The following TIE1 variants were observed in gnomAD, a reference collection of about 807,000 sequenced individuals.
TIE1 encodes tyrosine-protein kinase receptor Tie-1.
A neutral mutation model predicts 130.5 loss-of-function variants in TIE1; 89 were observed. The observed-to-expected ratio is 0.68, with a 90% confidence interval of 0.57 to 0.81. The LOEUF is 0.81. Ranked by LOEUF, TIE1 falls within the 40% of genes least tolerant of loss-of-function variation. The pLI is 0.00. For synonymous variants in TIE1, 568 were observed against 629.4 expected (o/e 0.90, Z 1.46); for missense variants, 1,392 against 1,559.8 (o/e 0.89, Z 1.81).
chr1:43,313,178 C>G lies in TIE1; in HGVS notation c.1971C>G (p.Asp657Glu). The stretch of plus-strand genomic sequence containing the variant: ...ACCTCCACGCCCAGGCCCTCTCAGA[C>G]TCCGAGATCCAGCTGACATGGAAGC... ...PRHLHAQALS[D>E]SEIQLTWKHP... Residue 657 changes from aspartate (D) to glutamate (E), a missense_variant, in exon 13 of 23, where the codon GAC becomes GAG. By Grantham distance (45) the Asp-to-Glu change is conservative. Transcript: ENST00000372476. The surrounding 1 kb of genome is among the most constrained non-coding windows in gnomAD (Gnocchi z 6.2). 1 of 1,613,312 alleles carries G rather than the reference C, an allele frequency of 6.2e-7. No individual in the cohort carries two copies. The highest frequency in any genetic ancestry group is 1.1e-5 in the South Asian group (1 of 91,030).
chr1:43,313,658 G>GTGATTTCC lies in TIE1; in HGVS notation c.2219-116_2219-109dup, dbSNP rs1429073941. ...TCATCCCTTCCTTCATGTGGCCCAA[G>GTGATTTCC]TGATTTCCTGACAGTCCTGGCACTG... On this transcript the variant is annotated intron_variant, in intron 13 of 22. Transcript: ENST00000372476. This position sits in a 1 kb window ranked among gnomAD's most constrained non-coding sequence, Gnocchi z 6.2. 2 of 1,203,100 alleles carry GTGATTTCC rather than the reference G, an allele frequency of 1.7e-6. No homozygotes were observed. The highest frequency in any genetic ancestry group is 2.3e-6 in the Non-Finnish European group (2 of 877,324). The allele number at this position is 1,203,100 out of a possible 1,614,324, so 74.5% of individuals were successfully genotyped here. A position where few individuals can be genotyped will look rare whatever the true frequency, so the allele number is the denominator to read the frequency against.
intron 1 of TIE1, among the ~76,000 whole-genome samples, chr1:43,303,458 A>C (rs1646690421): frequency 6.6e-6 from 1 of 152,214 alleles, no homozygotes; most frequent in African/African-American, 2.4e-5. Context: ...GGCGGTCAGT[A>C]AATGCCAGCT....
At position 43,322,885 on chromosome 1, in the gene TIE1, A is replaced by G. The variant is rs886404192; in HGVS notation, c.*163A>G. On this transcript the variant is annotated 3_prime_UTR_variant, in exon 23 of 23. Coordinates refer to ENST00000372476, the MANE Select transcript of TIE1 (RefSeq NM_005424.5). This position sits in a 1 kb window ranked among gnomAD's most constrained non-coding sequence, Gnocchi z 4.0. The stretch of plus-strand genomic sequence containing the variant: ...CTGGGGATGGGGTGGGCTTAGGGGA[A>G]CTGGGTTCCCATGCTTTGTAGGTGT... The G allele has an allele frequency of 1.1e-5, 7 of 621,628 alleles. No homozygotes were observed. The highest frequency in any genetic ancestry group is 2.0e-5 in the Non-Finnish European group (7 of 356,054). 38.5% of individuals were successfully genotyped at this position (621,628 alleles called of 1,614,324 possible).
Position 43,306,767 on chromosome 1 carries a change from G to A in TIE1, c.485-73G>A. On this transcript the variant is annotated intron_variant, in intron 3 of 22. Coordinates refer to ENST00000372476, the MANE Select transcript of TIE1 (RefSeq NM_005424.5). The surrounding 1 kb of genome is among the most constrained non-coding windows in gnomAD (Gnocchi z 4.9). Reference sequence around the variant, plus strand: ...CATGGGGCTCATTGATGTGAGCTGAGCAGAGGTGGACAGAGAGAGGTGACA... The same window carrying A: ...CATGGGGCTCATTGATGTGAGCTGAACAGAGGTGGACAGAGAGAGGTGACA... 12 of 1,525,078 alleles carry A rather than the reference G, an allele frequency of 7.9e-6. No individual in the cohort carries two copies. Among genetic ancestry groups the A allele is most frequent in the Non-Finnish European group, 7.9e-6 (9 of 1,133,006 alleles). The allele number at this position is 1,525,078 out of a possible 1,614,324, so 94.5% of individuals were successfully genotyped here. A position where few individuals can be genotyped will look rare whatever the true frequency, so the allele number is the denominator to read the frequency against.
chr1:43,303,529 C>G (rs1646691252), intron 1 of TIE1, among the ~76,000 whole-genome samples: 1 of 152,170 alleles, frequency 6.6e-6, no homozygotes, highest in Non-Finnish European at 1.5e-5. Context: ...AACTAATGAA[C>G]TGCTTGACAG....
chr1:43,312,620 G>T lies in TIE1; in HGVS notation c.1927+19G>T. 6.3e-7 allele frequency: 1 copy of T among 1,575,328 alleles called. No individual in the cohort carries two copies. Among genetic ancestry groups the T allele is most frequent in the Non-Finnish European group, 8.6e-7 (1 of 1,158,174 alleles). The stretch of plus-strand genomic sequence containing the variant: ...CCCAGTGGTATGTGCAAGGCGCAAG[G>T]ATAGCTGGGGGTTGGGGGAGGACGT... On this transcript the variant is annotated intron_variant, in intron 12 of 22. Coordinates refer to ENST00000372476, the MANE Select transcript of TIE1 (RefSeq NM_005424.5). The surrounding 1 kb of genome is among the most constrained non-coding windows in gnomAD (Gnocchi z 5.6).
Position 43,307,689 on chromosome 1 carries a change from C to T in TIE1, c.914-107C>T, listed in dbSNP as rs150976684. ...AGCCCTCCTGCTCACTTGACCAGTC[C>T]TTCTATCCTCAGCCTGTTGTATAAC... On this transcript the variant is annotated intron_variant, in intron 6 of 22. Transcript: ENST00000372476. The surrounding 1 kb of genome is among the most constrained non-coding windows in gnomAD (Gnocchi z 5.4). 1,368 of 1,598,950 alleles carry T rather than the reference C, an allele frequency of 8.6e-4. 8 individuals are homozygous for T. The African/African-American group carries it at 0.016, about 19-fold the overall frequency.
rs1443890052 is a variant in TIE1 at position 43,309,403 on chromosome 1, G to A, written c.1204G>A (p.Val402Met). 2.5e-6 allele frequency: 4 copies of A among 1,600,148 alleles called. No homozygotes were observed. Among genetic ancestry groups the A allele is most frequent in the Non-Finnish European group, 2.6e-6 (3 of 1,174,258 alleles). The change falls in exon 9 of 23, where the codon GTG becomes ATG. Residue 402 changes from valine (V) to methionine (M), a missense_variant. Val to Met is a conservative substitution (Grantham distance 21). Transcript: ENST00000372476. This position sits in a 1 kb window ranked among gnomAD's most constrained non-coding sequence, Gnocchi z 6.3. ...TCTCTTTTAGTCCACCAAGGCCATT[G>A]TGGAGCCAGAGAAGACCACAGCTGA... ...GTVLLSTKAI[V>M]EPEKTTAEFE...
In TIE1 at chr1:43,319,392, C is replaced by T; in HGVS notation, c.3036+44C>T. 6.2e-7 allele frequency: 1 copy of T among 1,611,990 alleles called. No individual in the cohort carries two copies. The highest frequency in any genetic ancestry group is 8.5e-7 in the Non-Finnish European group (1 of 1,178,072). On this transcript the variant is annotated intron_variant, in intron 18 of 22. Transcript: ENST00000372476. This position sits in a 1 kb window ranked among gnomAD's most constrained non-coding sequence, Gnocchi z 4.7. ...TCACCCTTAGGGCTTGTGCCTGGCC[C>T]TGCCCCACAGGAGCCTCAAACAGGC... is the stretch of plus-strand genomic sequence containing the variant.
In TIE1 at chr1:43,312,660, C is replaced by A; in HGVS notation, c.1927+59C>A. The A allele has an allele frequency of 6.5e-7, 1 of 1,535,646 alleles. No individual in the cohort carries two copies. The highest frequency in any genetic ancestry group is 8.8e-7 in the Non-Finnish European group (1 of 1,138,470). On this transcript the variant is annotated intron_variant, in intron 12 of 22. Coordinates refer to ENST00000372476, the MANE Select transcript of TIE1 (RefSeq NM_005424.5). This position sits in a 1 kb window ranked among gnomAD's most constrained non-coding sequence, Gnocchi z 5.6. The stretch of plus-strand genomic sequence containing the variant: ...GGGGAGGACGTGGGACACAGGGACA[C>A]ATGAGACCTAGGAGACACGGGAGGC...
chr1:43,304,754 G>C, intron 1 of TIE1, 97 bp from the exon 2 acceptor site: 1 of 1,277,128 alleles, frequency 7.8e-7, no homozygotes, highest in South Asian at 2.2e-5. Flanking sequence ...CTTCTGAGTG[G>C]ACGGTGGATC....
Position 43,319,405 on chromosome 1 carries a change from G to A in TIE1, c.3037-54G>A, listed in dbSNP as rs1015663189. On this transcript the variant is annotated intron_variant, in intron 18 of 22. Coordinates refer to ENST00000372476, the MANE Select transcript of TIE1 (RefSeq NM_005424.5). The surrounding 1 kb of genome is among the most constrained non-coding windows in gnomAD (Gnocchi z 4.7). Reference sequence around the variant, plus strand: ...TTGTGCCTGGCCCTGCCCCACAGGAGCCTCAAACAGGCCCTTCCTCCACAC... The same window carrying A: ...TTGTGCCTGGCCCTGCCCCACAGGAACCTCAAACAGGCCCTTCCTCCACAC... 8 of 1,612,174 alleles carry A rather than the reference G, an allele frequency of 5.0e-6. No individual in the cohort carries two copies. In the African/African-American group the frequency reaches 1.1e-4, roughly 22 times the overall value.
rs778838545 is a variant in TIE1 at position 43,313,162 on chromosome 1, C to A, written c.1955C>A (p.Ala652Asp). ...CCTCCAGCCCCCCGACACCTCCACG[C>A]CCAGGCCCTCTCAGACTCCGAGATC... ...SGPPAPRHLH[A>D]QALSDSEIQL... The change falls in exon 13 of 23, where the codon GCC becomes GAC. Residue 652 changes from alanine (A) to aspartate (D), a missense_variant. Coordinates refer to ENST00000372476, the MANE Select transcript of TIE1 (RefSeq NM_005424.5). This position sits in a 1 kb window ranked among gnomAD's most constrained non-coding sequence, Gnocchi z 6.2. 2 of 1,611,554 alleles carry A rather than the reference C, an allele frequency of 1.2e-6. No homozygotes were observed. Among genetic ancestry groups the A allele is most frequent in the Non-Finnish European group, 1.7e-6 (2 of 1,179,154 alleles).
At chr1:43,310,831 G>A (rs1174080015) in intron 9 of TIE1, among the ~76,000 whole-genome samples, 1 of 152,150 alleles carries the variant, frequency 6.6e-6, no homozygotes, top group African/African-American at 2.4e-5. Context: ...CTCCTGACAT[G>A]CTCATTGCTG....
At position 43,316,048 on chromosome 1, in the gene TIE1, GACCTT is replaced by G. The variant is rs1646855415; in HGVS notation, c.2410-1150_2410-1146del. 6.6e-6 allele frequency among the ~76,000 whole-genome samples: 1 copy of G among 152,006 alleles called. No individual in the cohort carries two copies. The highest frequency in any genetic ancestry group is 1.5e-5 in the Non-Finnish European group (1 of 68,036). On this transcript the variant is annotated intron_variant, in intron 14 of 22. Coordinates refer to ENST00000372476, the MANE Select transcript of TIE1 (RefSeq NM_005424.5). This position sits in a 1 kb window ranked among gnomAD's most constrained non-coding sequence, Gnocchi z 4.4. ...CCCTTCCGCCTGGGCAACAGAGCGA[GACCTT>G]GTCTCAAAACAAACAAAAAGATATA...
In TIE1 at chr1:43,305,315, G is replaced by A. The variant is rs1173994367; in HGVS notation, c.456G>A (p.Lys152=). 6.3e-7 allele frequency: 1 copy of A among 1,588,616 alleles called. No individual in the cohort carries two copies. Among genetic ancestry groups the A allele is most frequent in the Admixed American group, 1.7e-5 (1 of 58,700 alleles). The stretch of plus-strand genomic sequence containing the variant: ...TTTCTGCACGTGTGCACAAGGAGAA[G>A]CAGACAGACGTGATCTGGAAGAGCA... ...AVLSARVHKE[K]QTDVIWKSNG... The change falls in exon 3 of 23, where the codon AAG becomes AAA. Residue 152 remains lysine (K), a synonymous_variant. Transcript: ENST00000372476.
At chr1:43,314,355 G>A (rs1056320098) in intron 14 of TIE1, 2 of 1,149,230 alleles carry the variant, frequency 1.7e-6, no homozygotes, top group African/African-American at 3.3e-5. Flanking sequence ...AGGGCACTTG[G>A]GGTTCATGCT....
rs532026389 is a variant in TIE1, at chr1:43,307,828, C to A, written c.946C>A (p.Arg316=). ...CCCTGGTCATTTTGGGGCTGATTGCCGACTCCAGTGCCAGTGTCAGAATGG... is the reference window on the plus strand; with the variant it reads ...CCCTGGTCATTTTGGGGCTGATTGCAGACTCCAGTGCCAGTGTCAGAATGG... The part of the protein sequence containing the change: ...CAPGHFGADC[R]LQCQCQNGGT... The change falls in exon 7 of 23, where the codon CGA becomes AGA. Residue 316 remains arginine, a synonymous_variant. Coordinates refer to ENST00000372476, the MANE Select transcript of TIE1 (RefSeq NM_005424.5). This position sits in a 1 kb window ranked among gnomAD's most constrained non-coding sequence, Gnocchi z 5.4. 1 of 1,614,142 alleles carries A rather than the reference C, an allele frequency of 6.2e-7. No homozygotes were observed. The highest frequency in any genetic ancestry group is 1.7e-5 in the Admixed American group (1 of 60,024).
rs535577409 is a variant in TIE1, at chr1:43,317,570, C to G, written c.2627C>G (p.Ala876Gly). Residue 876 changes from alanine to glycine, a missense_variant, in exon 16 of 23, where the codon GCC becomes GGC. Ala to Gly is a moderately conservative substitution (Grantham distance 60). Coordinates refer to ENST00000372476, the MANE Select transcript of TIE1 (RefSeq NM_005424.5). This position sits in a 1 kb window ranked among gnomAD's most constrained non-coding sequence, Gnocchi z 5.1. ...NAAIKMLKEYASENDHRDFAG... is the reference protein window; with the variant it reads ...NAAIKMLKEYGSENDHRDFAG... ...TATTGGATTCTTTACACAGAGTATG[C>G]CTCTGAAAATGACCATCGTGACTTT... The G allele has an allele frequency of 1.2e-6, 2 of 1,608,616 alleles. No individual in the cohort carries two copies. Among genetic ancestry groups the G allele is most frequent in the Non-Finnish European group, 1.7e-6 (2 of 1,176,474 alleles).
Sources: allele counts gnomAD v4.1 joint callset (sites outside exome capture counted in the v4.1 genomes callset), GRCh38; gene constraint gnomAD v4.1.1; non-coding constraint Gnocchi (gnomAD v3.1); transcripts MANE v1.5; gene names NCBI Gene and HGNC (gene_info 2026-07-23, HGNC 2026-07-21).